Variants in PDE1C observed in about 807,000 individuals in gnomAD.
PDE1C encodes dual specificity calcium/calmodulin-dependent 3',5'-cyclic nucleotide phosphodiesterase 1C.
A neutral mutation model predicts 93.1 loss-of-function variants in PDE1C; 62 were observed. That is an observed-to-expected ratio of 0.67 (90% CI 0.54 to 0.82). The LOEUF (loss-of-function observed/expected upper bound fraction) is 0.82, where lower values mean the gene tolerates loss of function less well. PDE1C is among the 40% of genes least tolerant of loss of function. The pLI is 0.00. For synonymous variants in PDE1C, 325 were observed against 310.1 expected (o/e 1.05, Z -0.50); for missense variants, 742 against 884.6 (o/e 0.84, Z 2.04).
At chr7:31,974,935 G>C (rs1029922501) in intron 2 of PDE1C, among the ~76,000 whole-genome samples, 1 of 152,222 alleles carries the variant, frequency 6.6e-6, no homozygotes, top group African/African-American at 2.4e-5. Context: ...TATCCTGCAG[G>C]TTCTCCCCAT....
intron 1 of PDE1C, among the ~76,000 whole-genome samples, chr7:32,215,957 T>C (rs1252457210): frequency 6.6e-6 from 1 of 152,178 alleles, no homozygotes; most frequent in Non-Finnish European, 1.5e-5. Context: ...GGCTCAAGCA[T>C]CTTATCCAAG....
At chr7:31,652,894 T>C in the PDE1C span, 1 of 1,551,938 alleles carries the variant, frequency 6.4e-7, no homozygotes, top group Non-Finnish European at 8.7e-7. Flanking sequence ...AGCAAGGAAA[T>C]TTCAATTTTC....
the PDE1C span, among the ~76,000 whole-genome samples, chr7:31,742,780 G>A: frequency 1.3e-5 from 2 of 152,156 alleles, no homozygotes. Context: ...ACCTTCTTCT[G>A]AGCACCTGGC....
At chr7:31,696,632 A>G in the PDE1C span, among the ~76,000 whole-genome samples, 2 of 152,188 alleles carry the variant, frequency 1.3e-5, no homozygotes, top group East Asian at 1.9e-4. Flanking sequence ...CTTGGGCTCA[A>G]CTGCTCTGTG....
intron 1 of PDE1C, among the ~76,000 whole-genome samples, chr7:32,332,758 A>G (rs1272710092): frequency 6.6e-6 from 1 of 152,250 alleles, no homozygotes; most frequent in Non-Finnish European, 1.5e-5. Context: ...TCTCACAAGC[A>G]TAATGTTGAA....
chr7:31,682,487 G>T, the PDE1C span, among the ~76,000 whole-genome samples: 2 of 152,154 alleles, frequency 1.3e-5, no homozygotes, highest in African/African-American at 4.8e-5. Flanking sequence ...GAGCTGGTGA[G>T]GATGCAAAGG....
At chr7:31,795,923 C>A (rs1785228786) in intron 16 of PDE1C, among the ~76,000 whole-genome samples, 1 of 151,462 alleles carries the variant, frequency 6.6e-6, no homozygotes, top group Non-Finnish European at 1.5e-5. Context: ...AAATTAAGTA[C>A]AAAATGACAA....
At chr7:31,888,202 A>G (rs1798190348) in intron 2 of PDE1C, among the ~76,000 whole-genome samples, 1 of 128,290 alleles carries the variant, frequency 7.8e-6, no homozygotes, top group Admixed American at 9.6e-5. Context: ...GTGAGCCGAG[A>G]TTGTGCCACT....
chr7:32,044,001 C>A (rs1026728332), intron 2 of PDE1C, among the ~76,000 whole-genome samples: 17 of 152,212 alleles, frequency 1.1e-4, no homozygotes, highest in African/African-American at 4.1e-4. Flanking sequence ...TGAAGGATCC[C>A]AATCTGATTT....
chr7:31,771,864 G>T (rs1214117879), intron 17 of PDE1C, among the ~76,000 whole-genome samples: 1 of 152,000 alleles, frequency 6.6e-6, no homozygotes, highest in Non-Finnish European at 1.5e-5. Flanking sequence ...GACCATCCTG[G>T]ATAACATGGT....
chr7:31,620,051 G>C, the PDE1C span, among the ~76,000 whole-genome samples: 4 of 152,192 alleles, frequency 2.6e-5, no homozygotes, highest in African/African-American at 9.6e-5. Flanking sequence ...AGCGAGGCTG[G>C]GGGAGGGGTG....
intron 1 of PDE1C, among the ~76,000 whole-genome samples, chr7:32,056,320 T>TTCTCTCTCTCTCTC (rs10648394): frequency 5.9e-4 from 65 of 111,108 alleles, no homozygotes; most frequent in African/African-American, 2.0e-3. Context: ...GGGTCCACCG[T>TTCTCTCTCTCTCTC]TCTCTCTCTC....
At chr7:31,790,668 T>A (rs1239734238) in intron 16 of PDE1C, among the ~76,000 whole-genome samples, 3 of 151,974 alleles carry the variant, frequency 2.0e-5, no homozygotes, top group African/African-American at 4.8e-5. Flanking sequence ...AAAGCAATAC[T>A]CCTCCCTCTC....
chr7:32,372,468 C>A (rs1397433697), intron 1 of PDE1C, among the ~76,000 whole-genome samples: 3 of 152,182 alleles, frequency 2.0e-5, no homozygotes, highest in Non-Finnish European at 2.9e-5. Context: ...CCCTTCCTCA[C>A]ACAATACACG....
chr7:31,879,379 C>T, intron 3 of PDE1C: 1 of 538,932 alleles, frequency 1.9e-6, no homozygotes, highest in South Asian at 2.7e-5. Flanking sequence ...TTGGCTTCCA[C>T]TGATATTTCA....
At chr7:32,221,479 C>T (rs930357008) in intron 1 of PDE1C, among the ~76,000 whole-genome samples, 5 of 152,150 alleles carry the variant, frequency 3.3e-5, no homozygotes, top group Non-Finnish European at 7.3e-5. Context: ...CTTTGACAAG[C>T]CCGTGGTCTT....
chr7:31,906,005 G>A (rs747146182), intron 2 of PDE1C, among the ~76,000 whole-genome samples: 3 of 152,148 alleles, frequency 2.0e-5, no homozygotes, highest in Non-Finnish European at 4.4e-5. Flanking sequence ...CCCCATGATT[G>A]TAAGTTTCCT....
chr7:31,643,344 A>G, the PDE1C span: 7 of 1,613,824 alleles, frequency 4.3e-6, no homozygotes, highest in South Asian at 7.7e-5. Flanking sequence ...ACCTTGCTCA[A>G]ACATCTGAAA....
intron 2 of PDE1C, among the ~76,000 whole-genome samples, chr7:32,044,942 C>G (rs1792316943): frequency 6.6e-6 from 1 of 152,042 alleles, no homozygotes. Flanking sequence ...GACGAAGTGC[C>G]TGAGCTATTA....
Sources: allele counts gnomAD v4.1 joint callset (sites outside exome capture counted in the v4.1 genomes callset), GRCh38; gene constraint gnomAD v4.1.1; transcripts MANE v1.5; gene names NCBI Gene and HGNC (gene_info 2026-07-23, HGNC 2026-07-21).